GFRA1: variants seen among roughly 807,000 people sequenced by gnomAD.
GFRA1 encodes GDNF family receptor alpha-1.
A neutral mutation model predicts 51.6 loss-of-function variants in GFRA1; 16 were observed. The observed-to-expected ratio is 0.31, with a 90% CI of 0.21 to 0.47. The LOEUF (loss-of-function observed/expected upper bound fraction) is 0.47. GFRA1 is among the 20% of genes least tolerant of loss of function. GFRA1 has a pLI of 1.00. For synonymous variants in GFRA1, 270 were observed against 241.3 expected (o/e 1.12, Z -1.10); for missense variants, 530 against 594.3 (o/e 0.89, Z 1.13).
intron 6 of GFRA1, among the ~76,000 whole-genome samples, chr10:116,123,613 A>G (rs1957733284): frequency 6.6e-6 from 1 of 152,204 alleles, no homozygotes; most frequent in Non-Finnish European, 1.5e-5. Flanking sequence ...TTGGCTTTTT[A>G]GAAACGGGGA....
At chr10:116,258,766 G>T (rs539743208) in intron 4 of GFRA1, among the ~76,000 whole-genome samples, 1 of 152,066 alleles carries the variant, frequency 6.6e-6, no homozygotes, top group Admixed American at 6.6e-5. Context: ...AACCAAATGG[G>T]GCTAAGAGTA....
At chr10:116,183,510 C>A (rs1048438144) in intron 5 of GFRA1, among the ~76,000 whole-genome samples, 1 of 152,084 alleles carries the variant, frequency 6.6e-6, no homozygotes, top group African/African-American at 2.4e-5. Flanking sequence ...AAATCATGGC[C>A]CCACTCCCAC....
In GFRA1 at chr10:116,096,753, G is replaced by T. The variant is rs754562462; in HGVS notation, c.782C>A (p.Ala261Glu). Reference protein sequence around the residue: ...KTNYICRSRLADFFTNCQPES... With the variant: ...KTNYICRSRLEDFFTNCQPES... ...TGGCTGGCAGTTGGTAAAAAAATCC[G>T]CAAGGCGAGATCTACAATAGGAAAA... is the stretch of plus-strand genomic sequence containing the variant. Residue 261 changes from alanine (A) to glutamate (E), a missense_variant, in exon 7 of 11, where the codon GCG becomes GAG. Transcript: ENST00000355422. 1.2e-6 allele frequency: 2 copies of T among 1,603,470 alleles called. No individual in the cohort carries two copies. Among genetic ancestry groups the T allele is most frequent in the African/African-American group, 1.3e-5 (1 of 74,688 alleles).
chr10:116,266,773 AACC>A (rs1355105142), intron 4 of GFRA1, among the ~76,000 whole-genome samples: 2 of 152,230 alleles, frequency 1.3e-5, no homozygotes, highest in Non-Finnish European at 2.9e-5. Context: ...AATTCAGACA[AACC>A]AGTGGTATCT....
At chr10:116,261,602 T>C (rs1226634152) in intron 4 of GFRA1, among the ~76,000 whole-genome samples, 5 of 152,250 alleles carry the variant, frequency 3.3e-5, no homozygotes, top group Admixed American at 3.3e-4. Flanking sequence ...AAATACATTC[T>C]AGTTCAAAGT....
intron 5 of GFRA1, among the ~76,000 whole-genome samples, chr10:116,163,692 T>C (rs1391014099): frequency 6.6e-6 from 1 of 152,142 alleles, no homozygotes; most frequent in Non-Finnish European, 1.5e-5. Context: ...CACGGCCTGG[T>C]CTTCAGCTTC....
intron 5 of GFRA1, among the ~76,000 whole-genome samples, chr10:116,129,217 C>T (rs1449011395): frequency 1.3e-5 from 2 of 152,088 alleles, no homozygotes; most frequent in Non-Finnish European, 2.9e-5. Flanking sequence ...CAGAACTGAA[C>T]AAAGACAAAA....
At chr10:116,166,997 C>T (rs902869302) in intron 5 of GFRA1, among the ~76,000 whole-genome samples, 1 of 151,666 alleles carries the variant, frequency 6.6e-6, no homozygotes, top group Non-Finnish European at 1.5e-5. Context: ...GATGGGGTTT[C>T]ATCGTGTTAG....
At chr10:116,099,274 C>T (rs1956725359) in intron 6 of GFRA1, among the ~76,000 whole-genome samples, 1 of 152,152 alleles carries the variant, frequency 6.6e-6, no homozygotes, top group Non-Finnish European at 1.5e-5. Flanking sequence ...GGATTTACAC[C>T]ACGGTAACCA....
At chr10:116,147,227 G>A (rs867216854) in intron 5 of GFRA1, among the ~76,000 whole-genome samples, 2 of 152,260 alleles carry the variant, frequency 1.3e-5, no homozygotes, top group South Asian at 2.1e-4. Context: ...CGCTGAGTGC[G>A]CTTGTGTCCC....
intron 9 of GFRA1, among the ~76,000 whole-genome samples, chr10:116,071,459 G>A (rs1405291426): frequency 2.0e-5 from 3 of 152,222 alleles, no homozygotes; most frequent in Non-Finnish European, 2.9e-5. Context: ...ATTTGGAGGA[G>A]GCATAGCTCA....
At chr10:116,189,110 A>G (rs1963017073) in intron 5 of GFRA1, among the ~76,000 whole-genome samples, 1 of 151,434 alleles carries the variant, frequency 6.6e-6, no homozygotes, top group African/African-American at 2.4e-5. Flanking sequence ...AAAAAAAAAA[A>G]AAGTAGGCAA....
Position 116,248,140 on chromosome 10 carries a change from G to A in GFRA1, c.418+21363C>T, listed in dbSNP as rs368734642. On this transcript the variant is annotated intron_variant, in intron 4 of 10. Transcript: ENST00000355422. ...ACTGTGTGCTCCACAGGCTGAATCC[G>A]ACCAGATCTGTGGCCCCGAACTTCT... Among the ~76,000 whole-genome samples the A allele has an allele frequency of 3.7e-4, 56 of 152,248 alleles. 1 individual carries two copies. The South Asian group carries it at 4.6e-3, about 12-fold the overall frequency.
At chr10:116,178,724 C>T (rs536769566) in intron 5 of GFRA1, among the ~76,000 whole-genome samples, 6 of 152,154 alleles carry the variant, frequency 3.9e-5, no homozygotes, top group Admixed American at 1.3e-4. Context: ...GAGCCCTGAG[C>T]GAGGCTGGAG....
intron 4 of GFRA1, among the ~76,000 whole-genome samples, chr10:116,217,691 A>G (rs1442615024): frequency 6.6e-6 from 1 of 152,190 alleles, no homozygotes; most frequent in African/African-American, 2.4e-5. Context: ...AGCTGGTCCT[A>G]TGTCTGCCTG....
intron 5 of GFRA1, among the ~76,000 whole-genome samples, chr10:116,188,842 G>A (rs187936787): frequency 6.6e-6 from 1 of 151,044 alleles, no homozygotes; most frequent in Non-Finnish European, 1.5e-5. Flanking sequence ...AGAGGTTGCC[G>A]TGAGCTAAGA....
intron 4 of GFRA1, among the ~76,000 whole-genome samples, chr10:116,220,968 C>A (rs538107206): frequency 7.2e-5 from 11 of 152,292 alleles, no homozygotes; most frequent in South Asian, 2.1e-4. Flanking sequence ...CTCTTTCTCT[C>A]TAACTAAGCT....
At chr10:116,196,876 C>T in intron 5 of GFRA1, among the ~76,000 whole-genome samples, 1 of 129,196 alleles carries the variant, frequency 7.7e-6, no homozygotes. Context: ...GTTCTGGAGT[C>T]CAGAAGATCA....
At position 116,061,809 on chromosome 10, in the gene GFRA1, G is replaced by C. The variant is rs1435589962; in HGVS notation, c.*2589C>G. 2.5e-6 allele frequency: 1 copy of C among 395,292 alleles called. No individual in the cohort carries two copies. Among genetic ancestry groups the C allele is most frequent in the African/African-American group, 2.1e-5 (1 of 48,532 alleles). The allele number at this position is 395,292 out of a possible 1,614,324, so 24.5% of individuals were successfully genotyped here. A position where few individuals can be genotyped will look rare whatever the true frequency, so the allele number is the denominator to read the frequency against. Reference sequence around the variant, plus strand: ...ACAGGTAAATGATTTAACTTATTGTGCTCCAGTTCTGGGGCAAATGATGGT... The same window carrying C: ...ACAGGTAAATGATTTAACTTATTGTCCTCCAGTTCTGGGGCAAATGATGGT... On this transcript the variant is annotated 3_prime_UTR_variant, in exon 11 of 11. Coordinates refer to ENST00000355422, the MANE Select transcript of GFRA1 (RefSeq NM_005264.8).
Sources: allele counts gnomAD v4.1 joint callset (sites outside exome capture counted in the v4.1 genomes callset), GRCh38; gene constraint gnomAD v4.1.1; transcripts MANE v1.5; gene names NCBI Gene and HGNC (gene_info 2026-07-23, HGNC 2026-07-21).